The following RBFOX1 variants were observed in gnomAD, a reference collection of about 807,000 sequenced individuals.
The protein encoded by RBFOX1 is RNA binding protein fox-1 homolog 1.
A neutral mutation model predicts 57.7 loss-of-function variants in RBFOX1; 8 were observed. The ratio of observed to expected loss-of-function variants is 0.14; its 90% CI spans 0.08 to 0.25. RBFOX1 has a LOEUF of 0.25. Among genes scored for constraint, RBFOX1 ranks in the 10% least tolerant of loss-of-function variants. The pLI, the probability that RBFOX1 is intolerant of heterozygous loss-of-function variation, is 1.00. For synonymous variants in RBFOX1, 326 were observed against 222.4 expected, an observed-to-expected ratio of 1.47 and a Z score of -4.15; for missense variants, 611 against 548.5, an observed-to-expected ratio of 1.11 and a Z score of -1.14.
chr16:6,242,170 G>C (rs1038405924), intron 1 of RBFOX1, among the ~76,000 whole-genome samples: 1 of 151,970 alleles, frequency 6.6e-6, no homozygotes, highest in Non-Finnish European at 1.5e-5. Flanking sequence ...TATTTATTAT[G>C]TGTACATGTT....
intron 1 of RBFOX1, among the ~76,000 whole-genome samples, chr16:5,396,630 A>C (rs2066564640): frequency 6.6e-6 from 1 of 152,180 alleles, no homozygotes. Context: ...TGACAGAACA[A>C]GACTCTGTCT....
intron 13 of RBFOX1, among the ~76,000 whole-genome samples, chr16:7,674,756 A>G (rs1289563518): frequency 6.6e-6 from 1 of 152,184 alleles, no homozygotes; most frequent in East Asian, 1.9e-4. Flanking sequence ...TGATGTTTCT[A>G]CTATACATAA....
intron 1 of RBFOX1, among the ~76,000 whole-genome samples, chr16:5,360,047 C>T (rs2065500587): frequency 6.6e-6 from 1 of 152,204 alleles, no homozygotes; most frequent in South Asian, 2.1e-4. Context: ...TTTGCTTGTT[C>T]AGAGAACCCT....
chr16:6,659,802 G>A (rs1161985513), intron 3 of RBFOX1, among the ~76,000 whole-genome samples: 3 of 152,178 alleles, frequency 2.0e-5, no homozygotes, highest in African/African-American at 4.8e-5. Flanking sequence ...GTGGTCAGAT[G>A]TCTTCTGGCT....
chr16:6,217,657 C>G (rs1293878195), intron 1 of RBFOX1, among the ~76,000 whole-genome samples: 1 of 152,144 alleles, frequency 6.6e-6, no homozygotes, highest in Non-Finnish European at 1.5e-5. Flanking sequence ...TCTCTTGGGA[C>G]CACTTCATTT....
chr16:6,187,678 T>G (rs2097113757), intron 1 of RBFOX1, among the ~76,000 whole-genome samples: 1 of 152,114 alleles, frequency 6.6e-6, no homozygotes, highest in Non-Finnish European at 1.5e-5. Context: ...GTAGGTAGTT[T>G]TAATCAAAAT....
At chr16:7,111,255 C>A (rs560101901) in intron 4 of RBFOX1, among the ~76,000 whole-genome samples, 1 of 152,048 alleles carries the variant, frequency 6.6e-6, no homozygotes, top group Non-Finnish European at 1.5e-5. Context: ...TAACTTACAC[C>A]GTAAAAGTGA....
chr16:6,383,278 A>G (rs911012666), intron 2 of RBFOX1, among the ~76,000 whole-genome samples: 3 of 152,210 alleles, frequency 2.0e-5, no homozygotes, highest in African/African-American at 4.8e-5. Flanking sequence ...CTAAAGCTGA[A>G]CCTCTTAAAC....
chr16:7,380,552 G>T (rs1449953224), intron 4 of RBFOX1, among the ~76,000 whole-genome samples: 1 of 152,136 alleles, frequency 6.6e-6, no homozygotes, highest in Admixed American at 6.6e-5. Flanking sequence ...TTTCCCTATT[G>T]ATAGACATTT....
At chr16:7,190,552 T>C (rs923163884) in intron 4 of RBFOX1, among the ~76,000 whole-genome samples, 1 of 151,896 alleles carries the variant, frequency 6.6e-6, no homozygotes, top group African/African-American at 2.4e-5. Flanking sequence ...GAGAGTGACC[T>C]AAGTTAGAAG....
chr16:6,590,848 T>TC (rs886582493), intron 2 of RBFOX1, among the ~76,000 whole-genome samples: 1 of 4,710 alleles, frequency 2.1e-4, no homozygotes, highest in African/African-American at 2.3e-4. Flanking sequence ...GCGTTTGACA[T>TC]GCAAGAATTG....
chr16:7,671,665 T>C, intron 13 of RBFOX1: 2 of 1,405,534 alleles, frequency 1.4e-6, no homozygotes, highest in East Asian at 2.3e-5. Context: ...AAATCCTTAC[T>C]AACAAGATAA....
At chr16:5,855,976 C>CTTTTTTTTTTTTTTT (rs1160702604) in intron 3 of RBFOX1, among the ~76,000 whole-genome samples, 172 of 77,552 alleles carry the variant, frequency 2.2e-3, no homozygotes, top group Non-Finnish European at 2.8e-3. Context: ...GTATGTTATT[C>CTTTTTTTTTTTTTTT]TTTTTTTTTT....
chr16:6,740,026 T>C lies in RBFOX1; in HGVS notation c.-16+85376T>C, dbSNP rs187320836. ...TATAGAATTAACACTATTTAAAACATTTTCAAATAGAATCTAACAATATAT... is the reference window on the plus strand; with the variant it reads ...TATAGAATTAACACTATTTAAAACACTTTCAAATAGAATCTAACAATATAT... On this transcript the variant is annotated intron_variant, in intron 3 of 15. Coordinates refer to ENST00000550418, the MANE Select transcript of RBFOX1 (RefSeq NM_018723.4). Among the ~76,000 whole-genome samples, 112 of 152,258 alleles carry C rather than the reference T, an allele frequency of 7.4e-4. 1 individual carries two copies. The highest frequency in any genetic ancestry group is 1.1e-3 in the Non-Finnish European group (75 of 68,020).
chr16:6,132,428 T>G (rs1449326434), intron 1 of RBFOX1, among the ~76,000 whole-genome samples: 1 of 152,200 alleles, frequency 6.6e-6, no homozygotes, highest in Non-Finnish European at 1.5e-5. Context: ...TGAAGCAGCT[T>G]GAATTCCTGA....
intron 3 of RBFOX1, among the ~76,000 whole-genome samples, chr16:6,916,337 T>G (rs1014737073): frequency 6.6e-6 from 1 of 152,186 alleles, no homozygotes; most frequent in Non-Finnish European, 1.5e-5. Context: ...TTTTTACCTT[T>G]TTGCTATTAT....
At chr16:6,717,854 AC>A (rs2065142028) in intron 3 of RBFOX1, among the ~76,000 whole-genome samples, 1 of 152,024 alleles carries the variant, frequency 6.6e-6, no homozygotes, top group Admixed American at 6.6e-5. Context: ...TTCGTGGGAT[AC>A]CCCCTGCCTA....
intron 4 of RBFOX1, among the ~76,000 whole-genome samples, chr16:7,403,571 C>A (rs985729617): frequency 2.0e-5 from 3 of 146,974 alleles, no homozygotes; most frequent in Admixed American, 6.8e-5. Context: ...ATCCCCCCCC[C>A]CCCACTTTTT....
At chr16:7,649,467 G>T (rs1568276960) in intron 11 of RBFOX1, among the ~76,000 whole-genome samples, 1 of 152,156 alleles carries the variant, frequency 6.6e-6, no homozygotes, top group Non-Finnish European at 1.5e-5. Context: ...TGGAAATGTA[G>T]TCCAGCATGT....
Sources: allele counts gnomAD v4.1 joint callset (sites outside exome capture counted in the v4.1 genomes callset), GRCh38; gene constraint gnomAD v4.1.1; transcripts MANE v1.5; gene names NCBI Gene and HGNC (gene_info 2026-07-23, HGNC 2026-07-21).